ZMIZ1: variants seen among roughly 807,000 people sequenced by gnomAD.
ZMIZ1 encodes zinc finger MIZ-type containing 1.
In ZMIZ1, 17 loss-of-function variants were observed where a neutral mutation model predicts 113.9. The observed-to-expected ratio is 0.15, with a 90% CI of 0.10 to 0.22. ZMIZ1 has a LOEUF of 0.22. ZMIZ1 is among the 10% of genes least tolerant of loss of function. ZMIZ1 has a pLI of 1.00. For missense variants in ZMIZ1, 1,059 were observed against 1,477.8 expected, an observed-to-expected ratio of 0.72 and a Z score of 4.65; for synonymous variants, 607 against 603.1, an observed-to-expected ratio of 1.01 and a Z score of -0.09.
At chr10:79,279,971 G>T (rs935849969) in intron 8 of ZMIZ1, among the ~76,000 whole-genome samples, 29 of 151,032 alleles carry the variant, frequency 1.9e-4, no homozygotes, top group Admixed American at 1.2e-3. Flanking sequence ...GAGAGGGGGA[G>T]GGAGAGGGGT....
At position 79,098,503 on chromosome 10, in the gene ZMIZ1, G is replaced by A. The variant is rs530197201; in HGVS notation, c.-336-20412G>A. Among the ~76,000 whole-genome samples the A allele has an allele frequency of 2.2e-4, 33 of 152,312 alleles. No individual in the cohort carries two copies. In the East Asian group the frequency reaches 6.2e-3, roughly 29 times the overall value. ...ACCACCTATCTCGAAGGACTCTAGC[G>A]AGCATAAATGAATTAATACTTGTAT... On this transcript the variant is annotated intron_variant, in intron 1 of 24. Transcript: ENST00000334512.
intron 1 of ZMIZ1, among the ~76,000 whole-genome samples, chr10:79,077,457 G>A (rs542432782): frequency 1.1e-4 from 15 of 141,746 alleles, no homozygotes; most frequent in Non-Finnish European, 2.1e-4. Context: ...ACAGTGGGGT[G>A]TCTCACTAAG....
intron 8 of ZMIZ1, among the ~76,000 whole-genome samples, chr10:79,279,431 C>G (rs966200071): frequency 6.6e-6 from 1 of 151,972 alleles, no homozygotes; most frequent in African/African-American, 2.4e-5. Flanking sequence ...ACGCTCCTCA[C>G]TTCCTAGACG....
At chr10:79,292,385 C>G (rs751766152) in intron 11 of ZMIZ1, 29 bp downstream of exon 11, 1 of 1,586,188 alleles carries the variant, frequency 6.3e-7, no homozygotes, top group African/African-American at 1.3e-5. Context: ...CCTGGTCCAG[C>G]CTTGCCCAGC....
intron 7 of ZMIZ1, among the ~76,000 whole-genome samples, chr10:79,264,240 G>A (rs1003002929): frequency 6.6e-6 from 1 of 152,184 alleles, no homozygotes; most frequent in African/African-American, 2.4e-5. Context: ...GGCTGACCTT[G>A]TCACCTTGCC....
At chr10:79,172,158 T>G (rs1052316645) in intron 4 of ZMIZ1, among the ~76,000 whole-genome samples, 21 of 152,044 alleles carry the variant, frequency 1.4e-4, no homozygotes, top group African/African-American at 4.6e-4. Flanking sequence ...CCCAGAGTAG[T>G]GGGTGCCTGC....
chr10:79,309,400 C>T (rs1172525892), intron 23 of ZMIZ1, among the ~76,000 whole-genome samples: 1 of 152,228 alleles, frequency 6.6e-6, no homozygotes, highest in East Asian at 1.9e-4. Flanking sequence ...GCACTGAGGG[C>T]ATCTACAGGA....
At chr10:79,249,416 C>T (rs1328040580) in intron 7 of ZMIZ1, among the ~76,000 whole-genome samples, 3 of 152,190 alleles carry the variant, frequency 2.0e-5, no homozygotes, top group Admixed American at 6.5e-5. Context: ...ATGGCCAGCC[C>T]GGAGCATGAG....
chr10:79,090,141 C>T (rs928617402), intron 1 of ZMIZ1, among the ~76,000 whole-genome samples: 2 of 152,204 alleles, frequency 1.3e-5, no homozygotes, highest in Admixed American at 1.3e-4. Flanking sequence ...ACCCAGGAGA[C>T]AGCTTGCTGT....
intron 23 of ZMIZ1, among the ~76,000 whole-genome samples, chr10:79,308,319 C>CT (rs1854872883): frequency 6.6e-6 from 1 of 152,244 alleles, no homozygotes; most frequent in South Asian, 2.1e-4. Flanking sequence ...AGTAAAACTC[C>CT]TGGCAGTGCG....
At chr10:79,122,830 GAA>G (rs1279567117) in intron 2 of ZMIZ1, among the ~76,000 whole-genome samples, 1 of 152,140 alleles carries the variant, frequency 6.6e-6, no homozygotes, top group East Asian at 1.9e-4. Flanking sequence ...TGGCAGCAGA[GAA>G]TGGTACCTAG....
chr10:79,252,570 C>T (rs1850619435), intron 7 of ZMIZ1, among the ~76,000 whole-genome samples: 1 of 152,208 alleles, frequency 6.6e-6, no homozygotes, highest in Non-Finnish European at 1.5e-5. Flanking sequence ...TGAAGCCTTG[C>T]TTTCACCCTA....
chr10:79,191,800 A>G (rs1178156107), intron 4 of ZMIZ1, among the ~76,000 whole-genome samples: 1 of 152,178 alleles, frequency 6.6e-6, no homozygotes, highest in Non-Finnish European at 1.5e-5. Context: ...TAAGCAAATC[A>G]TTGCACCTCT....
chr10:79,271,183 C>G (rs1270159401), intron 7 of ZMIZ1, among the ~76,000 whole-genome samples: 1 of 152,340 alleles, frequency 6.6e-6, no homozygotes, highest in Non-Finnish European at 1.5e-5. Flanking sequence ...CCATGAACTT[C>G]TGGAGCTTCG....
chr10:79,095,608 C>G (rs914827910), intron 1 of ZMIZ1, among the ~76,000 whole-genome samples: 16 of 152,080 alleles, frequency 1.1e-4, no homozygotes, highest in Non-Finnish European at 1.5e-5. Flanking sequence ...TGCTTCCCAT[C>G]TTCTCCAGGC....
At chr10:79,094,536 A>G (rs1843106542) in intron 1 of ZMIZ1, among the ~76,000 whole-genome samples, 1 of 152,220 alleles carries the variant, frequency 6.6e-6, no homozygotes. Context: ...TTGAGAATGA[A>G]GTGAGATGAA....
At chr10:79,157,830 T>C (rs1382605185) in intron 3 of ZMIZ1, among the ~76,000 whole-genome samples, 2 of 152,172 alleles carry the variant, frequency 1.3e-5, no homozygotes, top group Non-Finnish European at 2.9e-5. Flanking sequence ...GACAGGGGCC[T>C]GTCCCTGGGG....
chr10:79,108,313 C>T (rs1476833018), intron 1 of ZMIZ1, among the ~76,000 whole-genome samples: 2 of 152,162 alleles, frequency 1.3e-5, no homozygotes, highest in Non-Finnish European at 2.9e-5. Flanking sequence ...TGGTGGGACT[C>T]ATCCGAGGTG....
At chr10:79,137,176 C>G (rs1252842872) in intron 2 of ZMIZ1, among the ~76,000 whole-genome samples, 2 of 152,156 alleles carry the variant, frequency 1.3e-5, no homozygotes. Flanking sequence ...TTTCTGTGGC[C>G]CAGCCCTGTG....
Sources: gnomAD v4.1 joint callset for allele counts (sites outside exome capture counted in the v4.1 genomes callset) on GRCh38, gnomAD v4.1.1 for gene constraint, MANE v1.5 for transcripts, NCBI Gene and HGNC (gene_info 2026-07-23, HGNC 2026-07-21) for gene names.